The following PSMD4 variants were observed in gnomAD, a reference collection of about 807,000 sequenced individuals.
PSMD4 encodes the protein proteasome 26S subunit ubiquitin receptor, non-ATPase 4, also known as 26S proteasome non-ATPase regulatory subunit 4.
In PSMD4, 5 loss-of-function variants were observed where a neutral mutation model predicts 39.7. That is an observed-to-expected ratio of 0.13 (90% CI 0.07 to 0.26). The LOEUF is 0.26. Among genes scored for constraint, PSMD4 ranks in the 10% least tolerant of loss-of-function variants. The pLI is 1.00. For missense variants in PSMD4, 272 were observed against 486.1 expected (o/e 0.56, Z 4.14); for synonymous variants, 143 against 174.6 (o/e 0.82, Z 1.43).
chr1:151,258,472 TTTG>T (rs1208012447), intron 1 of PSMD4, among the ~76,000 whole-genome samples: 24 of 103,304 alleles, frequency 2.3e-4, no homozygotes, highest in South Asian at 6.8e-4. Flanking sequence ...TTTTTTTTTT[TTTG>T]GGGGAGACAG....
intron 1 of PSMD4, 94 bp from the exon 2 acceptor site, chr1:151,262,067 A>C: frequency 7.2e-7 from 1 of 1,382,198 alleles, no homozygotes. Context: ...GATGCTATGA[A>C]GACTGCTGCT....
chr1:151,265,872 C>G (rs1558322973), intron 6 of PSMD4, 132 bp from the exon 7 acceptor site: 9 of 1,286,446 alleles, frequency 7.0e-6, no homozygotes, highest in South Asian at 1.6e-5. Flanking sequence ...CTGCTTATCC[C>G]TCCAGCTTCT....
At chr1:151,264,710 C>A (rs1161514825) in intron 3 of PSMD4, 122 bp from the exon 4 acceptor site, 1 of 728,868 alleles carries the variant, frequency 1.4e-6, no homozygotes, top group Admixed American at 2.2e-5. Flanking sequence ...CTTGTGTGAA[C>A]GTGATGGTAG....
In PSMD4 at chr1:151,254,734, G is replaced by A; in HGVS notation, c.-49G>A. 2 of 1,545,006 alleles carry A rather than the reference G, an allele frequency of 1.3e-6. No individual in the cohort carries two copies. The highest frequency in any genetic ancestry group is 1.7e-6 in the Non-Finnish European group (2 of 1,144,574). ...GAGCGACGGGCCAATTGGAGGAGTTGTTGTTAGGCCGTCCCGGAGACCCGG... is the reference window on the plus strand; with the variant it reads ...GAGCGACGGGCCAATTGGAGGAGTTATTGTTAGGCCGTCCCGGAGACCCGG... On this transcript the variant is annotated 5_prime_UTR_variant, in exon 1 of 10. Coordinates refer to ENST00000368884, the MANE Select transcript of PSMD4 (RefSeq NM_002810.4).
Sources: allele counts gnomAD v4.1 joint callset (sites outside exome capture counted in the v4.1 genomes callset), GRCh38; gene constraint gnomAD v4.1.1; transcripts MANE v1.5; gene names NCBI Gene and HGNC (gene_info 2026-07-23, HGNC 2026-07-21).